Variants in ACO2 observed in about 807,000 individuals in gnomAD.
ACO2 encodes the protein aconitase 2.
In ACO2, 31 loss-of-function variants were observed where a neutral mutation model predicts 84.5. The ratio of observed to expected loss-of-function variants is 0.37; its 90% CI spans 0.28 to 0.50. ACO2 has a LOEUF of 0.50. ACO2 is among the 20% of genes least tolerant of loss of function. ACO2 has a pLI of 0.97. For synonymous variants in ACO2, 414 were observed against 412.7 expected, an observed-to-expected ratio of 1.00 and a Z score of -0.04; for missense variants, 685 against 1,029.3, an observed-to-expected ratio of 0.67 and a Z score of 4.58.
chr22:41,518,700 A>G, intron 8 of ACO2, 128 bp downstream of exon 8: 2 of 727,086 alleles, frequency 2.8e-6, no homozygotes, highest in Admixed American at 2.3e-5. Context: ...TTGGGAGGCC[A>G]AGGCAGGTGG....
intron 7 of ACO2, 134 bp downstream of exon 7, chr22:41,517,765 G>C (rs1485242362): frequency 2.7e-6 from 2 of 736,554 alleles, no homozygotes; most frequent in African/African-American, 3.5e-5. Context: ...GAGGCTCTGA[G>C]AAAGCCCTGA....
At chr22:41,506,964 C>A (rs1274892170) in intron 2 of ACO2, among the ~76,000 whole-genome samples, 1 of 151,884 alleles carries the variant, frequency 6.6e-6, no homozygotes, top group African/African-American at 2.4e-5. Context: ...GAGAGTGGAC[C>A]CGCGCAGAGC....
rs905072275 is a variant in ACO2, at chr22:41,527,541, G to A, written c.2086+121G>A. ...TGTGTCCACTGCAGCCCACAGGCCC[G>A]TCAGCCTCTTGCCCCTTCTTAGGCT... On this transcript the variant is annotated intron_variant, in intron 16 of 17. Coordinates refer to ENST00000216254, the MANE Select transcript of ACO2 (RefSeq NM_001098.3). 3.9e-5 allele frequency: 53 copies of A among 1,366,784 alleles called. 1 individual carries two copies. Among genetic ancestry groups the A allele is most frequent in the Middle Eastern group, 2.7e-4 (1 of 3,730 alleles). 84.7% of individuals were successfully genotyped at this position (1,366,784 alleles called of 1,614,324 possible).
intron 2 of ACO2, among the ~76,000 whole-genome samples, chr22:41,505,168 C>T (rs2066383881): frequency 6.6e-6 from 1 of 151,968 alleles, no homozygotes; most frequent in Non-Finnish European, 1.5e-5. Flanking sequence ...CCTGTAATCC[C>T]AGCTCTTCGG....
At chr22:41,474,660 G>A (rs1466432669) in intron 1 of ACO2, among the ~76,000 whole-genome samples, 3 of 129,536 alleles carry the variant, frequency 2.3e-5, no homozygotes, top group African/African-American at 2.9e-5. Context: ...GTGCAGTGGC[G>A]CGATCTTGGC....
At chr22:41,527,265 C>T (rs1266049750) in intron 15 of ACO2, 23 bp from the exon 16 acceptor site, 6 of 1,614,002 alleles carry the variant, frequency 3.7e-6, no homozygotes, top group Non-Finnish European at 5.1e-6. Context: ...TGCCTTATAA[C>T]CTTACCCCCG....
At chr22:41,485,318 G>A (rs1393341372) in intron 1 of ACO2, among the ~76,000 whole-genome samples, 1 of 151,128 alleles carries the variant, frequency 6.6e-6, no homozygotes, top group Admixed American at 6.6e-5. Flanking sequence ...CTTTTTTTTC[G>A]AGATGGAGTT....
chr22:41,481,760 A>G (rs965439702), intron 1 of ACO2, among the ~76,000 whole-genome samples: 2 of 152,170 alleles, frequency 1.3e-5, no homozygotes, highest in African/African-American at 4.8e-5. Context: ...AGCACAATCC[A>G]GAAGGCCGGT....
chr22:41,488,556 G>T (rs1247453907), intron 1 of ACO2, among the ~76,000 whole-genome samples: 1 of 152,156 alleles, frequency 6.6e-6, no homozygotes, highest in Non-Finnish European at 1.5e-5. Flanking sequence ...CCAGCCAGTG[G>T]CCTGATCATA....
At chr22:41,481,998 C>T (rs2038093795) in intron 1 of ACO2, among the ~76,000 whole-genome samples, 1 of 152,184 alleles carries the variant, frequency 6.6e-6, no homozygotes, top group Non-Finnish European at 1.5e-5. Context: ...CCACTTGGCA[C>T]AATTGTTAGG....
At chr22:41,478,894 C>T (rs906245846) in intron 1 of ACO2, among the ~76,000 whole-genome samples, 1 of 152,060 alleles carries the variant, frequency 6.6e-6, no homozygotes, top group African/African-American at 2.4e-5. Flanking sequence ...CCTCAGCCTC[C>T]CAAGTAGCTG....
intron 1 of ACO2, among the ~76,000 whole-genome samples, chr22:41,476,553 G>T (rs891666188): frequency 6.7e-5 from 10 of 149,954 alleles, no homozygotes; most frequent in African/African-American, 2.5e-4. Flanking sequence ...ACTAAAAATA[G>T]AAAAAAATTA....
chr22:41,499,086 C>T (rs943996384), intron 1 of ACO2, among the ~76,000 whole-genome samples: 3 of 148,178 alleles, frequency 2.0e-5, no homozygotes, highest in African/African-American at 5.0e-5. Context: ...GGCAAGACTC[C>T]GTCTCAAAAA....
At chr22:41,480,495 G>A (rs1004591337) in intron 1 of ACO2, among the ~76,000 whole-genome samples, 1 of 152,098 alleles carries the variant, frequency 6.6e-6, no homozygotes, top group Admixed American at 6.6e-5. Context: ...GGCTGGGGAG[G>A]GAGAAGTAGG....
chr22:41,507,869 A>G lies in ACO2; in HGVS notation c.252A>G (p.Arg84=), dbSNP rs1224000515. 6.2e-7 allele frequency: 1 copy of G among 1,614,112 alleles called. No homozygotes were observed. Among genetic ancestry groups the G allele is most frequent in the African/African-American group, 1.3e-5 (1 of 74,944 alleles). Reference sequence around the variant, plus strand: ...ACCCCGCCAGCCAGGAAATTGAGCGAGGCAAGTCGTACCTGCGGCTGCGGC... The same window carrying G: ...ACCCCGCCAGCCAGGAAATTGAGCGGGGCAAGTCGTACCTGCGGCTGCGGC... ...LDDPASQEIE[R]GKSYLRLRPD... Residue 84 remains arginine (R), a synonymous_variant, in exon 3 of 18, where the codon CGA becomes CGG. Coordinates refer to ENST00000216254, the MANE Select transcript of ACO2 (RefSeq NM_001098.3).
chr22:41,473,549 T>TG (rs1350819538), intron 1 of ACO2, among the ~76,000 whole-genome samples: 1 of 152,208 alleles, frequency 6.6e-6, no homozygotes, highest in Admixed American at 6.5e-5. Context: ...TGCCTAGCAT[T>TG]GTTCTAGACA....
rs2076196 is a variant in ACO2 at position 41,499,405 on chromosome 22, G to A, written c.37-321G>A. ...AGTACCCCGTGTGATCACCAGAGCTGGTTATATCCCTATTTTCTATCTCCT... is the reference window on the plus strand; with the variant it reads ...AGTACCCCGTGTGATCACCAGAGCTAGTTATATCCCTATTTTCTATCTCCT... On this transcript the variant is annotated intron_variant, in intron 1 of 17. Transcript: ENST00000216254. Among the ~76,000 whole-genome samples the A allele has an allele frequency of 0.13, 20,097 of 152,182 alleles. 1,732 individuals are homozygous for A. Among genetic ancestry groups the A allele is most frequent in the East Asian group, 0.22 (1,145 of 5,178 alleles).
At chr22:41,522,757 A>G in intron 9 of ACO2, 73 bp from the exon 10 acceptor site, 1 of 1,544,288 alleles carries the variant, frequency 6.5e-7, no homozygotes, top group Non-Finnish European at 8.8e-7. Context: ...AGTCTGGATA[A>G]TTTGAAGTCA....
At chr22:41,504,547 G>A (rs532072968) in intron 2 of ACO2, among the ~76,000 whole-genome samples, 34 of 152,046 alleles carry the variant, frequency 2.2e-4, no homozygotes, top group South Asian at 1.7e-3. Context: ...TGTCTCCCTC[G>A]GGGCCCAGAA....
Sources: allele counts gnomAD v4.1 joint callset (sites outside exome capture counted in the v4.1 genomes callset), GRCh38; gene constraint gnomAD v4.1.1; transcripts MANE v1.5; gene names NCBI Gene and HGNC (gene_info 2026-07-23, HGNC 2026-07-21).